Variants in ABLIM3 observed in about 807,000 individuals in gnomAD.
ABLIM3 encodes the protein actin-binding LIM protein 3.
Under a neutral mutation model 109.5 loss-of-function variants are expected in ABLIM3, and 61 were observed. The ratio of observed to expected loss-of-function variants is 0.56; its 90% confidence interval spans 0.45 to 0.69. The LOEUF (loss-of-function observed/expected upper bound fraction) is 0.69. Ranked by LOEUF, ABLIM3 falls within the 30% of genes least tolerant of loss-of-function variation. The pLI is 0.00. For missense variants in ABLIM3, 796 were observed against 889.5 expected (o/e 0.89, Z 1.34); for synonymous variants, 300 against 324.8 (o/e 0.92, Z 0.82).
intron 20 of ABLIM3, among the ~76,000 whole-genome samples, 159 bp from the exon 21 acceptor site, chr5:149,251,200 G>A (rs1173368963): frequency 6.6e-6 from 1 of 152,212 alleles, no homozygotes; most frequent in Non-Finnish European, 1.5e-5. Flanking sequence ...AAAGCACAGG[G>A]ATATAGCAGC....
In ABLIM3 at chr5:149,145,258, C is replaced by A. The variant is rs558470784; in HGVS notation, c.13+3150C>A. Among the ~76,000 whole-genome samples the A allele has an allele frequency of 5.4e-4, 82 of 152,190 alleles. 2 individuals are homozygous for A. The highest frequency in any genetic ancestry group is 2.9e-3 in the Admixed American group (45 of 15,288). On this transcript the variant is annotated intron_variant, in intron 2 of 23. Transcript: ENST00000309868. ...ATATGCAGTATTTGGTTTTATGTTC[C>A]TGAATTAATTTGCTTAGGATAATGC...
At chr5:149,258,137 C>G (rs1754607158) in intron 23 of ABLIM3, among the ~76,000 whole-genome samples, 154 bp from the exon 24 acceptor site, 1 of 152,178 alleles carries the variant, frequency 6.6e-6, no homozygotes. Flanking sequence ...AAATATTCAT[C>G]ACACATTCCC....
intron 15 of ABLIM3, among the ~76,000 whole-genome samples, chr5:149,243,122 T>G (rs1753026563): frequency 6.6e-6 from 1 of 152,164 alleles, no homozygotes; most frequent in Non-Finnish European, 1.5e-5. Flanking sequence ...GATTTAGTGT[T>G]TCTTAAAGAA....
At chr5:149,240,439 A>G (rs1358170691) in intron 13 of ABLIM3, 3 of 573,036 alleles carry the variant, frequency 5.2e-6, no homozygotes, top group Non-Finnish European at 3.1e-6. Context: ...TGATCTTTAC[A>G]TCTCACAAAA....
At position 149,241,984 on chromosome 5, in the gene ABLIM3, C is replaced by T. The variant is rs973721468; in HGVS notation, c.1304-507C>T. 4.6e-5 allele frequency among the ~76,000 whole-genome samples: 7 copies of T among 152,314 alleles called. No homozygotes were observed. The East Asian group carries it at 1.2e-3, about 25-fold the overall frequency. ...TCCTGACACCAAGCTCAGTTTTTCA[C>T]TCCCCACTCACGTTCCCCTCAAGAG... On this transcript the variant is annotated intron_variant, in intron 14 of 23. Coordinates refer to ENST00000309868, the MANE Select transcript of ABLIM3 (RefSeq NM_014945.5).
At chr5:149,196,097 T>A (rs1030365556) in intron 3 of ABLIM3, among the ~76,000 whole-genome samples, 3 of 151,902 alleles carry the variant, frequency 2.0e-5, no homozygotes, top group African/African-American at 7.3e-5. Flanking sequence ...AGACCAGAGG[T>A]TGGGTGGTCT....
Position 149,258,565 on chromosome 5 carries a change from A to T in ABLIM3, c.*161A>T. On this transcript the variant is annotated 3_prime_UTR_variant, in exon 24 of 24. Transcript: ENST00000309868. The stretch of plus-strand genomic sequence containing the variant: ...AAGCCCACGTCATCGAGATATTTTT[A>T]TGCTCCTTACTTTCTCTTTTCTAAG... 7.2e-7 allele frequency: 1 copy of T among 1,388,136 alleles called. No individual in the cohort carries two copies. Among genetic ancestry groups the T allele is most frequent in the South Asian group, 1.7e-5 (1 of 57,724 alleles). The allele number at this position is 1,388,136 out of a possible 1,614,324, so 86.0% of individuals were successfully genotyped here. A position where few individuals can be genotyped will look rare whatever the true frequency, so the allele number is the denominator to read the frequency against.
chr5:149,148,504 C>T (rs1753128708), intron 2 of ABLIM3, among the ~76,000 whole-genome samples: 1 of 152,206 alleles, frequency 6.6e-6, no homozygotes, highest in African/African-American at 2.4e-5. Flanking sequence ...CTCTCATGAA[C>T]TCTCAACCTA....
intron 19 of ABLIM3, 126 bp from the exon 20 acceptor site, chr5:149,250,321 G>A (rs1753797317): frequency 3.5e-6 from 3 of 848,774 alleles, no homozygotes; most frequent in East Asian, 2.6e-5. Flanking sequence ...AAGAGTTGGT[G>A]GCCTCTGGCC....
At chr5:149,247,714 C>G in intron 17 of ABLIM3, 68 bp from the exon 18 acceptor site, 1 of 1,606,298 alleles carries the variant, frequency 6.2e-7, no homozygotes, top group South Asian at 1.1e-5. Context: ...CAGCCTTGCC[C>G]AAGCCCGTTC....
intron 2 of ABLIM3, among the ~76,000 whole-genome samples, chr5:149,144,170 T>A (rs1020864778): frequency 1.3e-4 from 20 of 151,652 alleles, no homozygotes; most frequent in Non-Finnish European, 2.7e-4. Context: ...GCAGGGAGAG[T>A]GTGTGAATTT....
intron 3 of ABLIM3, among the ~76,000 whole-genome samples, chr5:149,189,423 A>G (rs2127483740): frequency 6.6e-6 from 1 of 152,358 alleles, no homozygotes; most frequent in South Asian, 2.1e-4. Context: ...AAGACAACCC[A>G]TAGAATAGGA....
chr5:149,158,506 G>A (rs1754046950), intron 2 of ABLIM3, among the ~76,000 whole-genome samples: 1 of 152,054 alleles, frequency 6.6e-6, no homozygotes, highest in South Asian at 2.1e-4. Context: ...AAAACACTTT[G>A]AGCTGTATAT....
intron 20 of ABLIM3, among the ~76,000 whole-genome samples, chr5:149,250,848 A>G (rs1753852555): frequency 6.6e-6 from 1 of 152,146 alleles, no homozygotes. Flanking sequence ...AGGCACAGAG[A>G]AGTGAGGTGA....
chr5:149,241,764 GA>G (rs935996459), intron 14 of ABLIM3, among the ~76,000 whole-genome samples: 1 of 152,032 alleles, frequency 6.6e-6, no homozygotes, highest in African/African-American at 2.4e-5. Context: ...GTCTCAAAAA[GA>G]AAAAAAGATG....
intron 2 of ABLIM3, among the ~76,000 whole-genome samples, chr5:149,156,997 A>G (rs1753914297): frequency 2.0e-5 from 3 of 152,238 alleles, no homozygotes; most frequent in Admixed American, 1.3e-4. Context: ...GATGACAAAG[A>G]AATGTTCAAT....
chr5:149,210,614 G>A (rs1581138580), intron 6 of ABLIM3, 112 bp from the exon 7 acceptor site: 2 of 822,132 alleles, frequency 2.4e-6, no homozygotes, highest in East Asian at 4.9e-5. Flanking sequence ...TAAAGGAGAA[G>A]TATCGAACTT....
At chr5:149,176,862 G>T (rs1490350564) in intron 2 of ABLIM3, 1 of 152,178 alleles carries the variant, frequency 6.6e-6, no homozygotes, top group Non-Finnish European at 1.5e-5. Context: ...TCCAGACTTA[G>T]GATAATGTAG....
At chr5:149,245,162 C>T in intron 16 of ABLIM3, 147 bp downstream of exon 16, 1 of 1,133,546 alleles carries the variant, frequency 8.8e-7, no homozygotes, top group Non-Finnish European at 1.2e-6. Flanking sequence ...ATTCATTCAA[C>T]AAATATGTAC....
Sources: gnomAD v4.1 joint callset for allele counts (sites outside exome capture counted in the v4.1 genomes callset) on GRCh38, gnomAD v4.1.1 for gene constraint, MANE v1.5 for transcripts, NCBI Gene and HGNC (gene_info 2026-07-23, HGNC 2026-07-21) for gene names.